Variants in CNTNAP2 observed in about 807,000 individuals in gnomAD.
The protein encoded by CNTNAP2 is contactin-associated protein-like 2.
CNTNAP2 carries 98 observed loss-of-function variants against 155.2 expected under a neutral mutation model. The observed-to-expected ratio is 0.63, with a 90% CI of 0.54 to 0.75. CNTNAP2 has a LOEUF of 0.75. Among genes scored for constraint, CNTNAP2 ranks in the 30% least tolerant of loss-of-function variants. CNTNAP2 has a pLI of 0.00. For missense variants in CNTNAP2, 1,727 were observed against 1,688.1 expected, an observed-to-expected ratio of 1.02 and a Z score of -0.40; for synonymous variants, 651 against 631.2, an observed-to-expected ratio of 1.03 and a Z score of -0.47.
intron 21 of CNTNAP2, among the ~76,000 whole-genome samples, chr7:148,370,072 T>C (rs1443086536): frequency 1.3e-5 from 2 of 152,112 alleles, no homozygotes; most frequent in Non-Finnish European, 2.9e-5. Flanking sequence ...ATGGATGACA[T>C]ATAATGTGTC....
At chr7:147,099,698 C>T (rs1017600235) in intron 4 of CNTNAP2, among the ~76,000 whole-genome samples, 4 of 151,922 alleles carry the variant, frequency 2.6e-5, no homozygotes, top group African/African-American at 7.3e-5. Context: ...TTAAAAATTC[C>T]GAAATAAATG....
At chr7:148,224,879 C>T (rs34554104) in intron 19 of CNTNAP2, among the ~76,000 whole-genome samples, 21,257 of 152,110 alleles carry the variant, frequency 0.14, 1,606 homozygotes, top group Admixed American at 0.21. Flanking sequence ...TAAAACCATC[C>T]GATCTCATCA....
chr7:146,635,887 C>G (rs1799589847), intron 1 of CNTNAP2, among the ~76,000 whole-genome samples: 1 of 151,944 alleles, frequency 6.6e-6, no homozygotes, highest in Non-Finnish European at 1.5e-5. Context: ...CACCGAAATG[C>G]CTGTCTCTAG....
intron 9 of CNTNAP2, among the ~76,000 whole-genome samples, chr7:147,324,312 A>G (rs1473572489): frequency 2.0e-5 from 3 of 152,214 alleles, no homozygotes; most frequent in Admixed American, 6.5e-5. Flanking sequence ...AGGATAATTA[A>G]CCATATTTTA....
chr7:146,957,579 G>A lies in CNTNAP2; in HGVS notation c.403-86328G>A, dbSNP rs189599628. ...AGTTTTCCAGGCCATAGATGAAAAG[G>A]TAAAGTTCATTGCTTAGGTAGCCAG... is the stretch of plus-strand genomic sequence containing the variant. On this transcript the variant is annotated intron_variant, in intron 3 of 23. Transcript: ENST00000361727. Among the ~76,000 whole-genome samples, 114 of 152,288 alleles carry A rather than the reference G, an allele frequency of 7.5e-4. 1 individual carries two copies. The highest frequency in any genetic ancestry group is 7.2e-4 in the Admixed American group (11 of 15,286).
At chr7:147,068,963 C>T (rs771285610) in intron 4 of CNTNAP2, among the ~76,000 whole-genome samples, 29 of 152,298 alleles carry the variant, frequency 1.9e-4, no homozygotes, top group Admixed American at 5.9e-4. Context: ...GAAGTGCTGG[C>T]GTCTTCTGGT....
intron 3 of CNTNAP2, among the ~76,000 whole-genome samples, chr7:146,878,709 A>G (rs966785387): frequency 3.9e-5 from 6 of 152,104 alleles, no homozygotes; most frequent in Admixed American, 1.3e-4. Context: ...CTCCACTCTA[A>G]GTACATCAGC....
At chr7:148,374,428 T>A (rs889337124) in intron 21 of CNTNAP2, among the ~76,000 whole-genome samples, 11 of 152,188 alleles carry the variant, frequency 7.2e-5, no homozygotes, top group Non-Finnish European at 1.5e-4. Context: ...TACCCTTTTT[T>A]CCCCATTGTC....
chr7:147,150,378 A>G (rs1010479116), intron 8 of CNTNAP2, among the ~76,000 whole-genome samples: 34 of 152,224 alleles, frequency 2.2e-4, no homozygotes, highest in Admixed American at 2.2e-3. Context: ...AGCACGTCTT[A>G]AGAACAGTAT....
intron 9 of CNTNAP2, among the ~76,000 whole-genome samples, chr7:147,355,246 G>A (rs1258626370): frequency 2.0e-5 from 3 of 151,968 alleles, no homozygotes; most frequent in African/African-American, 7.2e-5. Context: ...AAACCAATGG[G>A]AACAAAAACA....
chr7:148,380,798 C>T (rs1319309367), intron 21 of CNTNAP2, among the ~76,000 whole-genome samples: 1 of 152,172 alleles, frequency 6.6e-6, no homozygotes, highest in Non-Finnish European at 1.5e-5. Flanking sequence ...CACAGTGCCC[C>T]CCATCATGTA....
intron 21 of CNTNAP2, among the ~76,000 whole-genome samples, chr7:148,295,439 T>C (rs1797262105): frequency 6.6e-6 from 1 of 152,156 alleles, no homozygotes; most frequent in Non-Finnish European, 1.5e-5. Flanking sequence ...TGACTACTAA[T>C]ATGGTACAGA....
chr7:147,602,182 T>C (rs1563016823), intron 12 of CNTNAP2, among the ~76,000 whole-genome samples: 1 of 150,808 alleles, frequency 6.6e-6, no homozygotes, highest in Non-Finnish European at 1.5e-5. Context: ...ATTTATCCCT[T>C]AAAAAAAAAT....
intron 8 of CNTNAP2, among the ~76,000 whole-genome samples, chr7:147,223,967 A>AAAAAG (rs1803465619): frequency 1.3e-5 from 2 of 151,878 alleles, no homozygotes; most frequent in Non-Finnish European, 2.9e-5. Flanking sequence ...GAAAGAAAGA[A>AAAAAG]AAAAGAAAAG....
intron 2 of CNTNAP2, 135 bp from the exon 3 acceptor site, chr7:146,839,576 A>G: frequency 1.1e-6 from 1 of 890,076 alleles, no homozygotes; most frequent in East Asian, 2.6e-5. Flanking sequence ...TGGCATCTAT[A>G]AAGGATATTT....
At chr7:148,186,584 C>A (rs1795118944) in intron 18 of CNTNAP2, among the ~76,000 whole-genome samples, 1 of 152,168 alleles carries the variant, frequency 6.6e-6, no homozygotes, top group African/African-American at 2.4e-5. Flanking sequence ...TTCCCTCATC[C>A]TGAACCATCA....
intron 4 of CNTNAP2, among the ~76,000 whole-genome samples, chr7:147,078,232 T>G (rs1190824891): frequency 6.6e-6 from 1 of 152,232 alleles, no homozygotes; most frequent in Non-Finnish European, 1.5e-5. Flanking sequence ...CAATGCCAAC[T>G]TTATCTGCGA....
chr7:146,167,580 A>G (rs1367713768), intron 1 of CNTNAP2, among the ~76,000 whole-genome samples: 1 of 152,200 alleles, frequency 6.6e-6, no homozygotes, highest in Admixed American at 6.5e-5. Context: ...GGAGTTTAGA[A>G]TGATGCTTTG....
chr7:148,385,253 T>A (rs1021308678), intron 22 of CNTNAP2, among the ~76,000 whole-genome samples: 2 of 152,236 alleles, frequency 1.3e-5, no homozygotes, highest in Non-Finnish European at 2.9e-5. Flanking sequence ...CATGGATTCC[T>A]AGAACTTGAC....
Sources: gnomAD v4.1 joint callset for allele counts (sites outside exome capture counted in the v4.1 genomes callset) on GRCh38, gnomAD v4.1.1 for gene constraint, MANE v1.5 for transcripts, NCBI Gene and HGNC (gene_info 2026-07-23, HGNC 2026-07-21) for gene names.